MROH6: variants seen among roughly 807,000 people sequenced by gnomAD.
MROH6 encodes maestro heat-like repeat-containing protein family member 6.
MROH6 carries 62 observed loss-of-function variants against 67.7 expected under a neutral mutation model. The observed-to-expected ratio is 0.92, with a 90% confidence interval of 0.75 to 1.13. The LOEUF is 1.13. MROH6 is among the 50% of genes most tolerant of loss of function. MROH6 has a pLI of 0.00. For synonymous variants in MROH6, 566 were observed against 470.8 expected (o/e 1.20, Z -2.62); for missense variants, 1,175 against 1,029.1 (o/e 1.14, Z -1.94).
Position 143,568,712 on chromosome 8 carries a change from TC to T in MROH6, c.1483del (p.Asp495ThrfsTer87). On this transcript the variant is annotated frameshift_variant, in exon 10 of 14. Coordinates refer to ENST00000398882, the MANE Select transcript of MROH6 (RefSeq NM_001100878.2). LOFTEE classifies it high-confidence loss of function. ...RLPPLLDDTR[D>X]SIRASAVGLL... ...CCCGACGGCCGAGGCGCGGATTGAG[TC>T]CCGTGTCTGCGTGGGAGGGCGCAGT... 6.7e-7 allele frequency: 1 copy of T among 1,482,408 alleles called. No individual in the cohort carries two copies. 91.8% of individuals were successfully genotyped at this position (1,482,408 alleles called of 1,614,324 possible).
rs767136284 is a variant in MROH6 at position 143,569,937 on chromosome 8, G to A, written c.1158+14C>T. On this transcript the variant is annotated intron_variant, in intron 7 of 13. Coordinates refer to ENST00000398882, the MANE Select transcript of MROH6 (RefSeq NM_001100878.2). ...AGGGTCACCCTTCACCACCCATCCGGGAAGCAGGCTCACCCCTGTGAAGAA... is the reference window on the plus strand; with the variant it reads ...AGGGTCACCCTTCACCACCCATCCGAGAAGCAGGCTCACCCCTGTGAAGAA... 2 of 1,612,556 alleles carry A rather than the reference G, an allele frequency of 1.2e-6. No individual in the cohort carries two copies. The highest frequency in any genetic ancestry group is 1.3e-5 in the African/African-American group (1 of 75,044).
At chr8:143,570,761 G>C (rs1028344530) in intron 4 of MROH6, 104 bp from the exon 5 acceptor site, 2 of 1,422,602 alleles carry the variant, frequency 1.4e-6, no homozygotes, top group East Asian at 5.0e-5. Context: ...CCTCAGACAC[G>C]CATGGGACAT....
chr8:143,571,322 A>G (rs911419756), intron 3 of MROH6, among the ~76,000 whole-genome samples: 1 of 151,892 alleles, frequency 6.6e-6, no homozygotes, highest in Admixed American at 6.6e-5. Flanking sequence ...TCTGGGGCCA[A>G]TTAACCAAAG....
Position 143,567,604 on chromosome 8 carries a change from G to A in MROH6, c.1933+7C>T, listed in dbSNP as rs1236547731. On this transcript the variant is annotated splice_region_variant and intron_variant, in intron 13 of 13. Coordinates refer to ENST00000398882, the MANE Select transcript of MROH6 (RefSeq NM_001100878.2). ...GGACACCATCCCCTGGCAAGGTGGG[G>A]CCTCACCCTGGAACAGGGAGTCCAG... is the stretch of plus-strand genomic sequence containing the variant. 1 of 1,556,294 alleles carries A rather than the reference G, an allele frequency of 6.4e-7. No homozygotes were observed. Among genetic ancestry groups the A allele is most frequent in the Non-Finnish European group, 8.7e-7 (1 of 1,150,690 alleles).
chr8:143,568,031 G>C (rs931190065), intron 11 of MROH6, 111 bp downstream of exon 11: 11 of 1,480,524 alleles, frequency 7.4e-6, no homozygotes, highest in Non-Finnish European at 9.1e-6. Context: ...TGCCCCACCA[G>C]TAGCCTATCT....
chr8:143,568,494 G>C (rs1292123979), intron 10 of MROH6, 58 bp downstream of exon 10: 1 of 1,466,412 alleles, frequency 6.8e-7, no homozygotes, highest in African/African-American at 1.4e-5. Flanking sequence ...GGGGAGGCAC[G>C]GTGGGAGTGG....
At chr8:143,568,822 G>T (rs917004096) in intron 9 of MROH6, 103 bp from the exon 10 acceptor site, 5 of 881,350 alleles carry the variant, frequency 5.7e-6, no homozygotes, top group Non-Finnish European at 8.3e-6. Context: ...TCTAGGGAAG[G>T]CTGCTGACTC....
At chr8:143,570,826 G>A (rs918299593) in intron 4 of MROH6, 51 bp downstream of exon 4, 21 of 1,171,274 alleles carry the variant, frequency 1.8e-5, no homozygotes, top group African/African-American at 1.1e-4. Flanking sequence ...CCCGCTCCTC[G>A]CCACCCCCCA....
chr8:143,570,170 C>G (rs1823924361), intron 6 of MROH6, 73 bp downstream of exon 6: 2 of 1,559,466 alleles, frequency 1.3e-6, no homozygotes, highest in Admixed American at 1.8e-5. Context: ...TCCCTGTCCC[C>G]CTGCCCAGCA....
Position 143,567,865 on chromosome 8 carries a change from C to T in MROH6, c.1788G>A (p.Val596=). ...CRLVQRYPGH[V]PNFLSQTQGY... The stretch of plus-strand genomic sequence containing the variant: ...CCTGGGTCTGGCTCAGGAAGTTGGG[C>T]ACGTGGCCTGGGTATCGCTGAACCT... Residue 596 remains valine (V), a synonymous_variant, in exon 12 of 14, where the codon GTG becomes GTA. Transcript: ENST00000398882. The T allele has an allele frequency of 2.0e-6, 3 of 1,528,190 alleles. No individual in the cohort carries two copies. The highest frequency in any genetic ancestry group is 1.8e-6 in the Non-Finnish European group (2 of 1,140,154). 94.7% of individuals were successfully genotyped at this position (1,528,190 alleles called of 1,614,324 possible).
chr8:143,568,796 G>T, intron 9 of MROH6, 77 bp from the exon 10 acceptor site: 2 of 1,180,456 alleles, frequency 1.7e-6, no homozygotes, highest in Non-Finnish European at 2.3e-6. Flanking sequence ...CCAGCGCGGA[G>T]CGAGGAAGCG....
intron 8 of MROH6, 24 bp downstream of exon 8, chr8:143,569,673 T>G: frequency 6.2e-7 from 1 of 1,609,916 alleles, no homozygotes; most frequent in South Asian, 1.1e-5. Context: ...CAAGCCCCTC[T>G]CCACCCCTCC....
intron 12 of MROH6, 52 bp from the exon 13 acceptor site, chr8:143,567,728 G>T (rs376047743): frequency 2.5e-6 from 4 of 1,569,468 alleles, no homozygotes; most frequent in African/African-American, 2.7e-5. Context: ...CCAGGGGGAG[G>T]CTGGCCCAGC....
At position 143,568,253 on chromosome 8, in the gene MROH6, C is replaced by T; in HGVS notation, c.1653G>A (p.Glu551=). 6.2e-7 allele frequency: 1 copy of T among 1,608,778 alleles called. No homozygotes were observed. The highest frequency in any genetic ancestry group is 8.5e-7 in the Non-Finnish European group (1 of 1,178,128). Residue 551 remains glutamate, a synonymous_variant, in exon 11 of 14, where the codon GAG becomes GAA. Transcript: ENST00000398882. ...CGTGGTCACAGCGGGCCAGGGTCCA[C>T]TCTGAGCTCTGGGATAGGGGAAGTG... The part of the protein sequence containing the change: ...DPSRDAAESS[E]WTLARCDHAF...
intron 3 of MROH6, 25 bp downstream of exon 3, chr8:143,571,642 C>G: frequency 6.4e-7 from 1 of 1,556,660 alleles, no homozygotes. Context: ...GCGTGGGGAC[C>G]GCAGGGCCAG....
In MROH6 at chr8:143,566,888, T is replaced by G. The variant is rs955232230; in HGVS notation, c.*351A>C. 37 of 192,802 alleles carry G rather than the reference T, an allele frequency of 1.9e-4. No individual in the cohort carries two copies. The highest frequency in any genetic ancestry group is 7.7e-4 in the South Asian group (4 of 5,222). The allele number at this position is 192,802 out of a possible 1,614,324, so 11.9% of individuals were successfully genotyped here. On this transcript the variant is annotated 3_prime_UTR_variant, in exon 14 of 14. Transcript: ENST00000398882. ...CACAGCGTCCTGTCCAGGCATGAGG[T>G]GGAGACCCAGGAGGGCAGGCTATGG... is the stretch of plus-strand genomic sequence containing the variant.
chr8:143,567,965 G>A lies in MROH6; in HGVS notation c.1765-77C>T, dbSNP rs966820482. 24 of 1,450,816 alleles carry A rather than the reference G, an allele frequency of 1.7e-5. No homozygotes were observed. In the Admixed American group the frequency reaches 6.0e-4, roughly 36 times the overall value. The allele number at this position is 1,450,816 out of a possible 1,614,324, so 89.9% of individuals were successfully genotyped here. ...AGGAGGCTGCAGAGCTGAATCCAGGGGCCGGGGTTCCAGGGGAGCCCCCAG... is the reference window on the plus strand; with the variant it reads ...AGGAGGCTGCAGAGCTGAATCCAGGAGCCGGGGTTCCAGGGGAGCCCCCAG... On this transcript the variant is annotated intron_variant, in intron 11 of 13. Coordinates refer to ENST00000398882, the MANE Select transcript of MROH6 (RefSeq NM_001100878.2).
In MROH6 at chr8:143,568,595, G is replaced by C. The variant is rs747948367; in HGVS notation, c.1601C>G (p.Pro534Arg). 6.5e-7 allele frequency: 1 copy of C among 1,546,710 alleles called. No homozygotes were observed. Among genetic ancestry groups the C allele is most frequent in the Non-Finnish European group, 8.7e-7 (1 of 1,153,248 alleles). ...LRKLVLQSLV[P>R]LLLRLHDPSR... ...GGGGTCATGCAGGCGCAGCAGCAGC[G>C]GCACGAGACTCTGCAGCACCAGCTT... Residue 534 changes from proline (P) to arginine (R), a missense_variant, in exon 10 of 14, where the codon CCG becomes CGG. Physicochemically the swap from Pro to Arg is moderately radical, Grantham distance 103. Transcript: ENST00000398882.
chr8:143,567,398 C>T lies in MROH6; in HGVS notation c.2001G>A (p.Gln667=), dbSNP rs1823677805. 79 of 1,265,222 alleles carry T rather than the reference C, an allele frequency of 6.2e-5. No homozygotes were observed. The highest frequency in any genetic ancestry group is 7.7e-5 in the Non-Finnish European group (77 of 1,005,194). 78.4% of individuals were successfully genotyped at this position (1,265,222 alleles called of 1,614,324 possible). The change falls in exon 14 of 14, where the codon CAG becomes CAA. Residue 667 remains glutamine (Q), a synonymous_variant. Transcript: ENST00000398882. ...CCCGGGCACGGGCCAGCATCGCCAC[C>T]TGCTGAGCGGACACGTGCGCTGCCG... ...VAAAAHVSAQ[Q]VAMLARARGC... is the part of the protein sequence containing the mutation.
Sources: gnomAD v4.1 joint callset for allele counts (sites outside exome capture counted in the v4.1 genomes callset) on GRCh38, gnomAD v4.1.1 for gene constraint, MANE v1.5 for transcripts, NCBI Gene and HGNC (gene_info 2026-07-23, HGNC 2026-07-21) for gene names.